FREM3: variants seen among roughly 807,000 people sequenced by gnomAD.
FREM3 encodes FRAS1-related extracellular matrix protein 3.
FREM3 carries 105 observed loss-of-function variants against 129.1 expected under a neutral mutation model. The ratio of observed to expected loss-of-function variants is 0.81; its 90% confidence interval spans 0.69 to 0.96. FREM3 has a LOEUF of 0.96. FREM3 is among the 40% of genes least tolerant of loss of function. FREM3 has a pLI of 0.00. For synonymous variants in FREM3, 1,014 were observed against 1,044.9 expected, an observed-to-expected ratio of 0.97 and a Z score of 0.57; for missense variants, 2,593 against 2,666.3, an observed-to-expected ratio of 0.97 and a Z score of 0.61.
chr4:143,621,769 TAATC>T (rs1278347373), intron 4 of FREM3, among the ~76,000 whole-genome samples: 1 of 152,208 alleles, frequency 6.6e-6, no homozygotes, highest in Non-Finnish European at 1.5e-5. Flanking sequence ...CACCTAGACA[TAATC>T]AAAACATTCA....
intron 6 of FREM3, among the ~76,000 whole-genome samples, chr4:143,610,637 C>T (rs1262195350): frequency 6.6e-6 from 1 of 152,126 alleles, no homozygotes; most frequent in Non-Finnish European, 1.5e-5. Context: ...CTGATCCTGG[C>T]CCTGTCTTTA....
rs35964270 is a variant in FREM3, at chr4:143,623,493, T to TCC, written c.5653+613_5653+614dup. Among the ~76,000 whole-genome samples, 38 of 68,570 alleles carry TCC rather than the reference T, an allele frequency of 5.5e-4. 1 individual carries two copies. The South Asian group carries it at 7.7e-3, about 14-fold the overall frequency. 45.0% of individuals were successfully genotyped at this position (68,570 alleles called of 152,430 possible). A position where few individuals can be genotyped will look rare whatever the true frequency, so the allele number is the denominator to read the frequency against. On this transcript the variant is annotated intron_variant, in intron 4 of 7. Transcript: ENST00000329798. Reference sequence around the variant, plus strand: ...ATTGAAATTCAAAGATGAATACTAATCCCCCCCCCCCCCCACCATTTAGGG... The same window carrying TCC: ...ATTGAAATTCAAAGATGAATACTAATCCCCCCCCCCCCCCCCACCATTTAGGG...
In FREM3 at chr4:143,696,798, C is replaced by T. The variant is rs987695853; in HGVS notation, c.3878G>A (p.Arg1293Lys). ...TAGGGTCACTACAATGGGTACCTTC[C>T]TGTGGGTTGTGTGCTTGCCGTCACT... ...WLSDGKHTTH[R>K]KVPIVVTLVD... is the part of the protein sequence containing the mutation. Residue 1293 changes from arginine (R) to lysine (K), a missense_variant, in exon 1 of 8, where the codon AGG becomes AAG. Arg to Lys is a conservative substitution (Grantham distance 26). Around this residue, in one of 2 missense-constraint regions of FREM3, gnomAD observed 2,276 missense variants for 2,267.2 expected, o/e 1.00. Coordinates refer to ENST00000329798, the MANE Select transcript of FREM3 (RefSeq NM_001168235.2). 6.5e-7 allele frequency: 1 copy of T among 1,537,800 alleles called. No homozygotes were observed. The highest frequency in any genetic ancestry group is 1.2e-5 in the South Asian group (1 of 84,046).
At chr4:143,694,297 C>G (rs1396921327) in intron 1 of FREM3, among the ~76,000 whole-genome samples, 1 of 152,154 alleles carries the variant, frequency 6.6e-6, no homozygotes, top group African/African-American at 2.4e-5. Flanking sequence ...GGTTTTGAAT[C>G]TTCTGCACAA....
At chr4:143,644,070 T>C (rs1017025825) in intron 2 of FREM3, among the ~76,000 whole-genome samples, 1 of 152,190 alleles carries the variant, frequency 6.6e-6, no homozygotes, top group Non-Finnish European at 1.5e-5. Context: ...GATACTGTTA[T>C]ACGATGATCA....
Position 143,627,639 on chromosome 4 carries a change from T to A in FREM3, c.5397A>T (p.Gly1799=). ...TGATAAATGATGTTTCTCCAAGGTA[T>A]CCTCTGCGTGTAAGGGTCACTTCTA... ...TFLEVTLTRR[G]YLGETSFISI... The change falls in exon 3 of 8, where the codon GGA becomes GGT. Residue 1799 remains glycine, a synonymous_variant. Transcript: ENST00000329798. The A allele has an allele frequency of 1.3e-6, 2 of 1,536,386 alleles. No homozygotes were observed. Among genetic ancestry groups the A allele is most frequent in the Non-Finnish European group, 1.7e-6 (2 of 1,146,214 alleles).
At chr4:143,631,660 A>G (rs1031999443) in intron 2 of FREM3, among the ~76,000 whole-genome samples, 1 of 152,158 alleles carries the variant, frequency 6.6e-6, no homozygotes, top group Non-Finnish European at 1.5e-5. Flanking sequence ...GATAGAAATG[A>G]ATGGAGCAAA....
intron 2 of FREM3, among the ~76,000 whole-genome samples, chr4:143,664,821 G>A (rs927743477): frequency 5.1e-4 from 77 of 152,198 alleles, no homozygotes; most frequent in African/African-American, 1.5e-3. Flanking sequence ...CCTCGCTGCC[G>A]CCTTGCTGTT....
intron 5 of FREM3, among the ~76,000 whole-genome samples, chr4:143,614,455 T>G (rs1284944304): frequency 2.0e-5 from 3 of 152,268 alleles, no homozygotes; most frequent in African/African-American, 7.2e-5. Flanking sequence ...ATATCCCGTA[T>G]TTTACAGTGA....
intron 2 of FREM3, among the ~76,000 whole-genome samples, chr4:143,664,872 G>T (rs1359188672): frequency 2.0e-5 from 3 of 152,138 alleles, no homozygotes; most frequent in African/African-American, 7.2e-5. Flanking sequence ...GAGACTCCGT[G>T]GGCGTAGGAC....
At position 143,700,243 on chromosome 4, in the gene FREM3, A is replaced by G. The variant is rs1481671851; in HGVS notation, c.433T>C (p.Tyr145His). The G allele has an allele frequency of 6.5e-6, 10 of 1,536,632 alleles. No individual in the cohort carries two copies. In the Admixed American group the frequency reaches 9.8e-5, roughly 15 times the overall value. Residue 145 changes from tyrosine to histidine, a missense_variant, in exon 1 of 8, where the codon TAC becomes CAC. Transcript: ENST00000329798. ...ACCAGAGTGTGAGTCGGGGCGTCGT[A>G]GCGCAGCTGCAGCAGCACCCGGGCG... ...GRARVLLQLR[Y>H]DAPTHTLVLP... is the part of the protein sequence containing the mutation.
chr4:143,636,909 T>C (rs1739242753), intron 2 of FREM3, among the ~76,000 whole-genome samples: 1 of 152,200 alleles, frequency 6.6e-6, no homozygotes, highest in Non-Finnish European at 1.5e-5. Flanking sequence ...GAAAAAATTT[T>C]AGTTGACTAG....
chr4:143,692,275 G>T (rs1273379529), intron 2 of FREM3, among the ~76,000 whole-genome samples: 1 of 152,158 alleles, frequency 6.6e-6, no homozygotes, highest in African/African-American at 2.4e-5. Flanking sequence ...CACGGGACAA[G>T]TTGGGATTCA....
rs184045826 is a variant in FREM3 at position 143,664,305 on chromosome 4, A to T, written c.5275+28808T>A. 1.6e-3 allele frequency among the ~76,000 whole-genome samples: 248 copies of T among 152,230 alleles called. 2 individuals are homozygous for T. Among genetic ancestry groups the T allele is most frequent in the African/African-American group, 4.9e-3 (204 of 41,558 alleles). Reference sequence around the variant, plus strand: ...TGTTTGTTAGTTTTCCTTCTAACAGACAGGACCCTCAGCTGCAGGTCTGTT... The same window carrying T: ...TGTTTGTTAGTTTTCCTTCTAACAGTCAGGACCCTCAGCTGCAGGTCTGTT... On this transcript the variant is annotated intron_variant, in intron 2 of 7. Coordinates refer to ENST00000329798, the MANE Select transcript of FREM3 (RefSeq NM_001168235.2).
At chr4:143,586,117 G>GT (rs111849944) in intron 6 of FREM3, 124 bp from the exon 7 acceptor site, 67,545 of 898,838 alleles carry the variant, frequency 0.075, 9,205 homozygotes, top group East Asian at 0.59. Flanking sequence ...CATAGGTCTT[G>GT]TTTTTTTATA....
In FREM3 at chr4:143,664,788, A is replaced by C. The variant is rs542028214; in HGVS notation, c.5275+28325T>G. The stretch of plus-strand genomic sequence containing the variant: ...TTTGTTTACCTAAGCAAGCCTTGGC[A>C]ATGGCGGGCGCCCCTCCCCCAACCT... On this transcript the variant is annotated intron_variant, in intron 2 of 7. Coordinates refer to ENST00000329798, the MANE Select transcript of FREM3 (RefSeq NM_001168235.2). 1.4e-3 allele frequency among the ~76,000 whole-genome samples: 207 copies of C among 152,262 alleles called. 3 individuals are homozygous for C. Among genetic ancestry groups the C allele is most frequent in the Non-Finnish European group, 2.6e-3 (177 of 68,002 alleles).
rs754282608 is a variant in FREM3 at position 143,698,740 on chromosome 4, G to A, written c.1936C>T (p.Leu646=). 5.6e-5 allele frequency: 86 copies of A among 1,537,292 alleles called. 1 individual carries two copies. In the Middle Eastern group the frequency reaches 1.3e-3, roughly 24 times the overall value. ...GLYEKVVTEW[L]QRDIMEGRLF... ...CTCCCTTCCATTATGTCTCTCTGTA[G>A]CCACTCAGTCACCACTTTCTCATAA... Residue 646 remains leucine (L), a synonymous_variant, in exon 1 of 8, where the codon CTA becomes TTA. Transcript: ENST00000329798.
At chr4:143,591,774 A>G (rs1738367503) in intron 6 of FREM3, among the ~76,000 whole-genome samples, 1 of 152,178 alleles carries the variant, frequency 6.6e-6, no homozygotes, top group Non-Finnish European at 1.5e-5. Context: ...TGCAGAGCTG[A>G]GTTCAATTCC....
chr4:143,656,517 A>G (rs189494864), intron 2 of FREM3, among the ~76,000 whole-genome samples: 247 of 152,350 alleles, frequency 1.6e-3, no homozygotes, highest in Admixed American at 7.4e-3. Flanking sequence ...ATGCTATAAC[A>G]TAAACCTTGA....
Sources: allele counts gnomAD v4.1 joint callset (sites outside exome capture counted in the v4.1 genomes callset), GRCh38; gene constraint gnomAD v4.1.1; regional missense constraint gnomAD v4.1.1; transcripts MANE v1.5; gene names NCBI Gene and HGNC (gene_info 2026-07-23, HGNC 2026-07-21).